Variants in INPP4B observed in about 807,000 individuals in gnomAD.
INPP4B encodes inositol polyphosphate 4-phosphatase type II.
In INPP4B, 55 loss-of-function variants were observed where a neutral mutation model predicts 122.5. The ratio of observed to expected loss-of-function variants is 0.45; its 90% CI spans 0.36 to 0.56. The LOEUF is 0.56. INPP4B is among the 20% of genes least tolerant of loss of function. The pLI, the probability that INPP4B is intolerant of heterozygous loss-of-function variation, is 0.00. For missense variants in INPP4B, 1,000 were observed against 1,097.7 expected (o/e 0.91, Z 1.26); for synonymous variants, 403 against 388.7 (o/e 1.04, Z -0.43).
At chr4:142,775,374 C>T (rs1188278371) in intron 1 of INPP4B, among the ~76,000 whole-genome samples, 3 of 152,152 alleles carry the variant, frequency 2.0e-5, no homozygotes, top group African/African-American at 7.2e-5. Context: ...AATTCATTTG[C>T]ATCAGATACT....
intron 2 of INPP4B, among the ~76,000 whole-genome samples, chr4:142,486,360 T>G (rs1258667575): frequency 6.6e-6 from 1 of 152,210 alleles, no homozygotes; most frequent in Non-Finnish European, 1.5e-5. Flanking sequence ...ATTTGCTTTT[T>G]CTTGTGACTT....
At chr4:142,724,575 A>G (rs1765103013) in intron 2 of INPP4B, among the ~76,000 whole-genome samples, 3 of 152,166 alleles carry the variant, frequency 2.0e-5, no homozygotes, top group Admixed American at 2.0e-4. Flanking sequence ...TAATAGTTCT[A>G]TGTAAAAGAC....
chr4:142,464,565 A>T (rs1413102572), intron 2 of INPP4B, among the ~76,000 whole-genome samples: 4 of 151,628 alleles, frequency 2.6e-5, no homozygotes, highest in African/African-American at 9.7e-5. Flanking sequence ...TAGATTTCTC[A>T]TTTTTTGAGC....
intron 3 of INPP4B, among the ~76,000 whole-genome samples, chr4:142,438,410 C>T (rs946597662): frequency 2.0e-5 from 3 of 152,114 alleles, no homozygotes; most frequent in African/African-American, 7.2e-5. Context: ...CATCTACAAA[C>T]ATCTGATCTT....
intron 2 of INPP4B, among the ~76,000 whole-genome samples, chr4:142,491,810 T>A (rs1414532293): frequency 6.6e-6 from 1 of 152,236 alleles, no homozygotes; most frequent in East Asian, 1.9e-4. Context: ...CACATTAGGA[T>A]GGCTATTGCC....
At chr4:142,244,385 C>T (rs953931892) in intron 11 of INPP4B, among the ~76,000 whole-genome samples, 22 of 145,160 alleles carry the variant, frequency 1.5e-4, no homozygotes, top group South Asian at 1.3e-3. Flanking sequence ...CTGCAAGCTC[C>T]GCCTCCTAGG....
At position 142,270,716 on chromosome 4, in the gene INPP4B, C is replaced by T. The variant is rs2150567242; in HGVS notation, c.562G>A (p.Glu188Lys). Residue 188 changes from glutamate to lysine, a missense_variant, in exon 10 of 26, where the codon GAG (glutamate) becomes AAG (lysine). Transcript: ENST00000262992. ...TGGTCGGCTTCCCCATCCTCAATCT[C>T]CCCCATCTTCACGACACTGACTTCT... ...TIEVSVVKMGEIEDGEADHIT... is the reference protein window; with the variant it reads ...TIEVSVVKMGKIEDGEADHIT... 3 of 1,613,888 alleles carry T rather than the reference C, an allele frequency of 1.9e-6. No individual in the cohort carries two copies. Among genetic ancestry groups the T allele is most frequent in the African/African-American group, 1.3e-5 (1 of 75,012 alleles).
chr4:142,624,566 T>G (rs1001577741), intron 2 of INPP4B, among the ~76,000 whole-genome samples: 2 of 152,190 alleles, frequency 1.3e-5, no homozygotes, highest in African/African-American at 4.8e-5. Flanking sequence ...AAGGAACTTG[T>G]ACCATTCCTT....
intron 12 of INPP4B, among the ~76,000 whole-genome samples, chr4:142,211,469 C>A: frequency 6.6e-6 from 1 of 152,108 alleles, no homozygotes; most frequent in East Asian, 1.9e-4. Flanking sequence ...AATTCAGATT[C>A]TCTAGGAGCA....
Position 142,498,615 on chromosome 4 carries a change from C to G in INPP4B, c.-190-35889G>C, listed in dbSNP as rs988431209. ...ACCAGCCTAAGCAACATGGCAAAACCCCATCTCTGAAAAAAACACACAAAA... is the reference window on the plus strand; with the variant it reads ...ACCAGCCTAAGCAACATGGCAAAACGCCATCTCTGAAAAAAACACACAAAA... On this transcript the variant is annotated intron_variant, in intron 2 of 25. Transcript: ENST00000262992. Among the ~76,000 whole-genome samples the G allele has an allele frequency of 1.3e-4, 19 of 151,852 alleles. No individual in the cohort carries two copies. In the South Asian group the frequency reaches 1.5e-3, roughly 12 times the overall value.
intron 25 of INPP4B, among the ~76,000 whole-genome samples, chr4:142,068,442 G>C (rs13435492): frequency 0.026 from 3,886 of 152,184 alleles, 183 homozygotes; most frequent in African/African-American, 0.089. Context: ...AAAATAACCA[G>C]CTAACATCAT....
intron 2 of INPP4B, among the ~76,000 whole-genome samples, chr4:142,608,729 C>T (rs1407392539): frequency 6.6e-6 from 1 of 152,166 alleles, no homozygotes; most frequent in Non-Finnish European, 1.5e-5. Flanking sequence ...CCTCTCCAAC[C>T]AAAATCTCAA....
At chr4:142,127,532 T>A (rs3775644) in intron 18 of INPP4B, among the ~76,000 whole-genome samples, 19,064 of 151,818 alleles carry the variant, frequency 0.13, 1,368 homozygotes, top group East Asian at 0.23. Context: ...AAACCCAGGA[T>A]AAAAGGAACA....
rs150012717 is a variant in INPP4B at position 142,679,778 on chromosome 4, A to G, written c.-191+46061T>C. ...TTTCAGGCTATTTATATGAGATTCA[A>G]TGCTTACTCAGGAAATACTAATGAT... On this transcript the variant is annotated intron_variant, in intron 2 of 25. Transcript: ENST00000262992. Among the ~76,000 whole-genome samples, 474 of 151,874 alleles carry G rather than the reference A, an allele frequency of 3.1e-3. 2 individuals carry two copies. The highest frequency in any genetic ancestry group is 0.011 in the African/African-American group (454 of 41,502).
chr4:142,146,181 G>A (rs1190931309), intron 17 of INPP4B, among the ~76,000 whole-genome samples, 185 bp from the exon 18 acceptor site: 1 of 152,026 alleles, frequency 6.6e-6, no homozygotes, highest in African/African-American at 2.4e-5. Flanking sequence ...TCTTAATGAA[G>A]CAAAAATGAA....
intron 3 of INPP4B, among the ~76,000 whole-genome samples, chr4:142,439,636 T>C (rs966251427): frequency 2.0e-5 from 3 of 152,208 alleles, no homozygotes; most frequent in African/African-American, 7.2e-5. Flanking sequence ...TTAATCAATT[T>C]TTCCTCCTAT....
chr4:142,683,121 C>G (rs1244388202), intron 2 of INPP4B, among the ~76,000 whole-genome samples: 3 of 151,798 alleles, frequency 2.0e-5, no homozygotes, highest in Non-Finnish European at 1.5e-5. Context: ...TCCTTTAAAA[C>G]AGTACATGCA....
Position 142,208,920 on chromosome 4 carries a change from G to C in INPP4B, c.943C>G (p.Leu315Val). ...DQMVNMYQDI[L>V]TELSKETGSS... is the part of the protein sequence containing the mutation. ...CCTGTTTCCTTGCTAAGTTCTGTCA[G>C]AATGTCTTGGTACATATTCACCATT... The change falls in exon 13 of 26, where the codon CTG becomes GTG. Residue 315 changes from leucine to valine, a missense_variant. Physicochemically the swap from Leu to Val is conservative, Grantham distance 32. Coordinates refer to ENST00000262992, the MANE Select transcript of INPP4B (RefSeq NM_001101669.3). 1 of 1,575,006 alleles carries C rather than the reference G, an allele frequency of 6.3e-7. No homozygotes were observed. Among genetic ancestry groups the C allele is most frequent in the Non-Finnish European group, 8.6e-7 (1 of 1,157,782 alleles).
At chr4:142,802,525 C>T (rs1013896028) in intron 1 of INPP4B, among the ~76,000 whole-genome samples, 5 of 152,136 alleles carry the variant, frequency 3.3e-5, no homozygotes, top group Non-Finnish European at 7.4e-5. Flanking sequence ...TATCCACTCA[C>T]TTGTTATAGG....
Sources: allele counts gnomAD v4.1 joint callset (sites outside exome capture counted in the v4.1 genomes callset), GRCh38; gene constraint gnomAD v4.1.1; transcripts MANE v1.5; gene names NCBI Gene and HGNC (gene_info 2026-07-23, HGNC 2026-07-21).